The following COL6A3 variants were observed in gnomAD, a reference collection of about 807,000 sequenced individuals.
The protein encoded by COL6A3 is collagen type VI alpha 3 chain, also known as collagen alpha-3(VI) chain.
In COL6A3, 137 loss-of-function variants were observed where a neutral mutation model predicts 274.1. That is an observed-to-expected ratio of 0.50 (90% CI 0.44 to 0.58). COL6A3 has a LOEUF of 0.58. COL6A3 is among the 20% of genes least tolerant of loss of function. The pLI, the probability that COL6A3 is intolerant of heterozygous loss-of-function variation, is 0.00. For missense variants in COL6A3, 3,950 were observed against 4,124.9 expected, an observed-to-expected ratio of 0.96 and a Z score of 1.16; for synonymous variants, 1,650 against 1,650.6, an observed-to-expected ratio of 1.00 and a Z score of 0.01.
chr2:237,401,900 G>A (rs1314988030), intron 1 of COL6A3, among the ~76,000 whole-genome samples: 1 of 152,014 alleles, frequency 6.6e-6, no homozygotes, highest in African/African-American at 2.4e-5. Flanking sequence ...GCCCAGGCTG[G>A]TCTTGAACTC....
intron 3 of COL6A3, among the ~76,000 whole-genome samples, chr2:237,393,151 C>G (rs926363697): frequency 1.3e-5 from 2 of 152,182 alleles, no homozygotes; most frequent in Admixed American, 1.3e-4. Context: ...CTTCTGTCCT[C>G]TCTATTGTTC....
In COL6A3 at chr2:237,361,130, C is replaced by G. The variant is rs765647487; in HGVS notation, c.6201G>C (p.Glu2067Asp). The G allele has an allele frequency of 3.7e-6, 6 of 1,613,966 alleles. No homozygotes were observed. Among genetic ancestry groups the G allele is most frequent in the Non-Finnish European group, 5.1e-6 (6 of 1,179,974 alleles). Residue 2067 changes from glutamate (E) to aspartate (D), a missense_variant, in exon 16 of 44, where the codon GAG (glutamate) becomes GAC (aspartate). Glu to Asp is a conservative substitution (Grantham distance 45, BLOSUM62 2). Transcript: ENST00000295550. This position sits in a 1 kb window ranked among gnomAD's most constrained non-coding sequence, Gnocchi z 5.1. ...EDGYRGYPGD[E>D]GGPGERGPPG... Reference sequence around the variant, plus strand: ...AACAATTTTTACTTACGGGTCCACCCTCATCACCAGGATAGCCTCGGTAGC... The same window carrying G: ...AACAATTTTTACTTACGGGTCCACCGTCATCACCAGGATAGCCTCGGTAGC...
At chr2:237,375,938 T>G (rs1035337590) in intron 7 of COL6A3, among the ~76,000 whole-genome samples, 1 of 152,228 alleles carries the variant, frequency 6.6e-6, no homozygotes, top group African/African-American at 2.4e-5. Context: ...TTTGGAACTT[T>G]TCAATGCTTG....
chr2:237,408,429 C>G (rs776872479), intron 1 of COL6A3, among the ~76,000 whole-genome samples: 1 of 152,208 alleles, frequency 6.6e-6, no homozygotes, highest in African/African-American at 2.4e-5. Flanking sequence ...CCTGGTGCAC[C>G]GCCGGGCCGG....
At chr2:237,363,804 A>C (rs1330336328) in intron 13 of COL6A3, among the ~76,000 whole-genome samples, 1 of 152,220 alleles carries the variant, frequency 6.6e-6, no homozygotes, top group Non-Finnish European at 1.5e-5. Flanking sequence ...CTTAGGATAA[A>C]TTACACTTCT....
intron 39 of COL6A3, among the ~76,000 whole-genome samples, chr2:237,338,784 G>C (rs1700677820): frequency 6.6e-6 from 1 of 152,186 alleles, no homozygotes; most frequent in Non-Finnish European, 1.5e-5. Flanking sequence ...AATTAAGTAA[G>C]AAAATAAATA....
intron 4 of COL6A3, chr2:237,386,384 C>G (rs1441263607): frequency 2.0e-5 from 3 of 152,186 alleles, no homozygotes; most frequent in Non-Finnish European, 4.4e-5. Flanking sequence ...ACTCCTTTAT[C>G]AAAGGAAAAC....
Position 237,387,716 on chromosome 2 carries a change from G to A in COL6A3, c.1178C>T (p.Ala393Val), listed in dbSNP as rs1302806075. The A allele has an allele frequency of 6.2e-7, 1 of 1,614,066 alleles. No individual in the cohort carries two copies. The highest frequency in any genetic ancestry group is 1.7e-5 in the Admixed American group (1 of 60,010). The stretch of plus-strand genomic sequence containing the variant: ...AGTAAACACCAAGTTGTCATCGGTA[G>A]CTATGTGCTGAAGCTCTGCCCTGGA... ...AASRAELQHI[A>V]TDDNLVFTVP... Residue 393 changes from alanine to valine, a missense_variant, in exon 4 of 44, where the codon GCT (alanine) becomes GTT (valine). Transcript: ENST00000295550.
In COL6A3 at chr2:237,324,812, G is replaced by A; in HGVS notation, c.9496C>T (p.Leu3166Phe). The A allele has an allele frequency of 6.2e-7, 1 of 1,613,510 alleles. No individual in the cohort carries two copies. The highest frequency in any genetic ancestry group is 8.5e-7 in the Non-Finnish European group (1 of 1,179,990). The stretch of plus-strand genomic sequence containing the variant: ...ACACTGATGACTCCGGGTTTGGCGA[G>A]CACTGAGCGTCGAGAGAGGGGGTGG... Reference protein sequence around the residue: ...KECEKVCAPVLAKPGVISVMG... With the variant: ...KECEKVCAPVFAKPGVISVMG... Residue 3166 changes from leucine (L) to phenylalanine (F), a missense_variant and splice_region_variant, in exon 44 of 44, where the codon CTC becomes TTC. Coordinates refer to ENST00000295550, the MANE Select transcript of COL6A3 (RefSeq NM_004369.4).
intron 22 of COL6A3, 50 bp from the exon 23 acceptor site, chr2:237,357,441 C>G (rs752679189): frequency 6.6e-7 from 1 of 1,508,646 alleles, no homozygotes; most frequent in South Asian, 1.1e-5. Context: ...AGAAGAATGT[C>G]TAGCTCTGAA....
chr2:237,363,552 T>C lies in COL6A3; in HGVS notation c.5918-154A>G, dbSNP rs2077485062. Among the ~76,000 whole-genome samples the C allele has an allele frequency of 2.0e-5, 3 of 152,230 alleles. No individual in the cohort carries two copies. In the South Asian group the frequency reaches 6.2e-4, roughly 32 times the overall value. ...CAAGTTTACTGGCTACTCTGAATTG[T>C]TGAAATACTCAAACTTTGGACTCTG... is the stretch of plus-strand genomic sequence containing the variant. On this transcript the variant is annotated intron_variant, in intron 13 of 43. Transcript: ENST00000295550.
chr2:237,337,088 T>C (rs1415814365), intron 39 of COL6A3, among the ~76,000 whole-genome samples: 1 of 152,172 alleles, frequency 6.6e-6, no homozygotes, highest in Non-Finnish European at 1.5e-5. Context: ...CTATTACCAA[T>C]ATCTAGAGAG....
rs1463694261 is a variant in COL6A3, at chr2:237,348,367, A to C, written c.6948T>G (p.Pro2316=). 5 of 1,608,532 alleles carry C rather than the reference A, an allele frequency of 3.1e-6. No homozygotes were observed. The African/African-American group carries it at 6.7e-5, about 21-fold the overall frequency. Residue 2316 remains proline (P), a synonymous_variant, in exon 30 of 44, where the codon CCT becomes CCG. Coordinates refer to ENST00000295550, the MANE Select transcript of COL6A3 (RefSeq NM_004369.4). Reference sequence around the variant, plus strand: ...TATTTACCTTTGGTCCTGGGTATCCAGGGAATCCTCTTTCTCCCTATAAAG... The same window carrying C: ...TATTTACCTTTGGTCCTGGGTATCCCGGGAATCCTCTTTCTCCCTATAAAG... ...RRGKKGERGF[P]GYPGPKGNPG... is the part of the protein sequence containing the mutation.
At position 237,344,784 on chromosome 2, in the gene COL6A3, C is replaced by T. The variant is rs1214669838; in HGVS notation, c.7234G>A (p.Gly2412Arg). ...CGGCCGAAAGTGTCTTGGTTGACTC[C>T]CTCAGAGGTGTCTAAAGCAAAGGCT... is the stretch of plus-strand genomic sequence containing the variant. ...ELAFALDTSE[G>R]VNQDTFGRMR... Residue 2412 changes from glycine to arginine, a missense_variant, in exon 36 of 44, where the codon GGA (glycine) becomes AGA (arginine). Gly to Arg is a moderately radical substitution (Grantham distance 125). Coordinates refer to ENST00000295550, the MANE Select transcript of COL6A3 (RefSeq NM_004369.4). The surrounding 1 kb of genome is among the most constrained non-coding windows in gnomAD (Gnocchi z 4.8). 1 of 1,608,872 alleles carries T rather than the reference C, an allele frequency of 6.2e-7. No homozygotes were observed. Among genetic ancestry groups the T allele is most frequent in the Non-Finnish European group, 8.5e-7 (1 of 1,178,284 alleles).
chr2:237,394,746 C>T lies in COL6A3; in HGVS notation c.550G>A (p.Ala184Thr), dbSNP rs767499336. 49 of 1,614,124 alleles carry T rather than the reference C, an allele frequency of 3.0e-5. No individual in the cohort carries two copies. Among genetic ancestry groups the T allele is most frequent in the Non-Finnish European group, 3.6e-5 (42 of 1,180,052 alleles). Residue 184 changes from alanine to threonine, a missense_variant, in exon 3 of 44, where the codon GCG becomes ACG. Ala to Thr is a moderately conservative substitution (Grantham distance 58). Coordinates refer to ENST00000295550, the MANE Select transcript of COL6A3 (RefSeq NM_004369.4). Reference sequence around the variant, plus strand: ...GGTTCACTTGCTATTTCTTTTAACGCTCCTTCATCTGCATCCTCAACTCCA... The same window carrying T: ...GGTTCACTTGCTATTTCTTTTAACGTTCCTTCATCTGCATCCTCAACTCCA... The part of the protein sequence containing the change: ...AIGVEDADEG[A>T]LKEIASEPLN...
At chr2:237,331,279 G>A (rs1700210162) in intron 42 of COL6A3, among the ~76,000 whole-genome samples, 1 of 152,186 alleles carries the variant, frequency 6.6e-6, no homozygotes, top group Middle Eastern at 3.4e-3. Flanking sequence ...TTAATAAAGA[G>A]TGGTTCATTG....
chr2:237,348,271 A>G (rs2077136003), intron 30 of COL6A3, 78 bp downstream of exon 30: 1 of 1,234,346 alleles, frequency 8.1e-7, no homozygotes, highest in African/African-American at 1.5e-5. Flanking sequence ...ATGCCAAGAT[A>G]TTCTGATTCT....
At chr2:237,396,017 A>C (rs2078432053) in intron 2 of COL6A3, among the ~76,000 whole-genome samples, 1 of 152,160 alleles carries the variant, frequency 6.6e-6, no homozygotes, top group Non-Finnish European at 1.5e-5. Flanking sequence ...TGATGCCCCA[A>C]CCCACGTTCT....
In COL6A3 at chr2:237,394,790, T is replaced by A; in HGVS notation, c.506A>T (p.Asp169Val). The A allele has an allele frequency of 6.2e-7, 1 of 1,614,228 alleles. No homozygotes were observed. The highest frequency in any genetic ancestry group is 1.1e-5 in the South Asian group (1 of 91,086). Residue 169 changes from aspartate (D) to valine (V), a missense_variant, in exon 3 of 44, where the codon GAT (aspartate) becomes GTT (valine). By Grantham distance (152) the Asp-to-Val change is radical. This residue lies in a region of COL6A3 where 1,934 missense variants were observed against 1,984.3 expected (regional missense o/e 0.97). Transcript: ENST00000295550. ...AACTCCAATTGCAAACACGTTAACA[T>A]CAGCAGACTTAAGTTCCGCTGAGGG... ...ALPSAELKSA[D>V]VNVFAIGVED...
Sources: gnomAD v4.1 joint callset for allele counts (sites outside exome capture counted in the v4.1 genomes callset) on GRCh38, gnomAD v4.1.1 for gene constraint, gnomAD v4.1.1 regional missense constraint, Gnocchi (gnomAD v3.1) non-coding constraint, MANE v1.5 for transcripts, NCBI Gene and HGNC (gene_info 2026-07-23, HGNC 2026-07-21) for gene names.